Variants in R3HDM1 observed in about 807,000 individuals in gnomAD.
The protein encoded by R3HDM1 is R3H domain containing 1, also known as R3H domain-containing protein 1.
In R3HDM1, 46 loss-of-function variants were observed where a neutral mutation model predicts 141.1. The observed-to-expected ratio is 0.33, with a 90% CI of 0.26 to 0.42. R3HDM1 has a LOEUF of 0.42. R3HDM1 is among the 10% of genes least tolerant of loss of function. The pLI, the probability that R3HDM1 is intolerant of heterozygous loss-of-function variation, is 1.00. For missense variants in R3HDM1, 1,184 were observed against 1,368.3 expected, an observed-to-expected ratio of 0.87 and a Z score of 2.12; for synonymous variants, 435 against 472.9, an observed-to-expected ratio of 0.92 and a Z score of 1.04.
chr2:135,560,846 T>TGGCAGA (rs908369958), intron 1 of R3HDM1, among the ~76,000 whole-genome samples: 11 of 152,152 alleles, frequency 7.2e-5, no homozygotes, highest in African/African-American at 2.7e-4. Context: ...TATGTTAAGA[T>TGGCAGA]GGCAGAGCCA....
At chr2:135,668,874 C>A (rs2067913201) in intron 19 of R3HDM1, among the ~76,000 whole-genome samples, 1 of 152,134 alleles carries the variant, frequency 6.6e-6, no homozygotes, top group South Asian at 2.1e-4. Context: ...TGGCAACAGA[C>A]TTTTTGAGCA....
intron 21 of R3HDM1, among the ~76,000 whole-genome samples, chr2:135,680,957 A>C (rs191165194): frequency 1.2e-4 from 18 of 152,254 alleles, no homozygotes; most frequent in Non-Finnish European, 2.4e-4. Flanking sequence ...GAAAAATTGT[A>C]TTTCCTGTGT....
chr2:135,632,530 C>T (rs2062822229), intron 9 of R3HDM1, among the ~76,000 whole-genome samples: 1 of 152,052 alleles, frequency 6.6e-6, no homozygotes, highest in South Asian at 2.1e-4. Flanking sequence ...TATGATTCTC[C>T]GGAGGAGCTT....
intron 6 of R3HDM1, chr2:135,622,336 T>C: frequency 6.1e-6 from 6 of 984,816 alleles, no homozygotes; most frequent in Non-Finnish European, 7.2e-6. Context: ...ACGGAGGCAT[T>C]TTGAACATGA....
Position 135,620,510 on chromosome 2 carries a change from A to T in R3HDM1, c.304-984A>T, listed in dbSNP as rs187330914. Reference sequence around the variant, plus strand: ...TGTGCATCATTTACCCTATATTATGAACACAAATTTTAACTGGTATGATGA... The same window carrying T: ...TGTGCATCATTTACCCTATATTATGTACACAAATTTTAACTGGTATGATGA... On this transcript the variant is annotated intron_variant, in intron 5 of 26. Coordinates refer to ENST00000683871, the MANE Select transcript of R3HDM1 (RefSeq NM_001378107.1). 49 of 984,306 alleles carry T rather than the reference A, an allele frequency of 5.0e-5. No individual in the cohort carries two copies. In the African/African-American group the frequency reaches 7.5e-4, roughly 15 times the overall value. 61.0% of individuals were successfully genotyped at this position (984,306 alleles called of 1,614,324 possible).
intron 1 of R3HDM1, 159 bp downstream of exon 1, chr2:135,531,792 T>C (rs2104859951): frequency 1.0e-6 from 1 of 985,314 alleles, no homozygotes; most frequent in South Asian, 4.7e-5. Flanking sequence ...TCGTCGGCGC[T>C]TCAGCCAGGG....
chr2:135,689,829 T>A (rs2072025415), intron 21 of R3HDM1, among the ~76,000 whole-genome samples: 1 of 152,198 alleles, frequency 6.6e-6, no homozygotes, highest in Non-Finnish European at 1.5e-5. Context: ...AAAATTAGTT[T>A]GATACCAGCA....
At chr2:135,718,880 G>T (rs2076417834) in intron 24 of R3HDM1, among the ~76,000 whole-genome samples, 1 of 152,138 alleles carries the variant, frequency 6.6e-6, no homozygotes, top group South Asian at 2.1e-4. Context: ...ATGCGCAGTG[G>T]CTCACACCTG....
At chr2:135,581,660 G>A (rs1489313912) in intron 1 of R3HDM1, among the ~76,000 whole-genome samples, 1 of 152,144 alleles carries the variant, frequency 6.6e-6, no homozygotes, top group Non-Finnish European at 1.5e-5. Context: ...AGTTGACCAT[G>A]CCGAATTTCC....
intron 21 of R3HDM1, among the ~76,000 whole-genome samples, chr2:135,692,001 C>T (rs2072470972): frequency 6.6e-6 from 1 of 151,922 alleles, no homozygotes; most frequent in African/African-American, 2.4e-5. Flanking sequence ...CAACCTCTGC[C>T]CTCCAGGTTC....
intron 21 of R3HDM1, among the ~76,000 whole-genome samples, chr2:135,694,961 C>A (rs569021690): frequency 6.6e-6 from 1 of 152,132 alleles, no homozygotes; most frequent in Non-Finnish European, 1.5e-5. Flanking sequence ...CAGGAAGCAA[C>A]AAGTAGAGGA....
chr2:135,641,637 CCTGTCGTCTATCCAA>C lies in R3HDM1; in HGVS notation c.1327_1341del (p.Val443_Val447del). The stretch of plus-strand genomic sequence containing the variant: ...TCTCAGCCAGTCTTCTCATGGCGCA[CCTGTCGTCTATCCAA>C]CTGTCAGCACTCATAGTTCTCTTTC... On this transcript the variant is annotated inframe_deletion, in exon 15 of 27. Transcript: ENST00000683871. 1 of 1,614,172 alleles carries C rather than the reference CCTGTCGTCTATCCAA, an allele frequency of 6.2e-7. No homozygotes were observed. Among genetic ancestry groups the C allele is most frequent in the Non-Finnish European group, 8.5e-7 (1 of 1,180,040 alleles).
At chr2:135,569,276 A>T (rs1370874827) in intron 1 of R3HDM1, among the ~76,000 whole-genome samples, 1 of 152,072 alleles carries the variant, frequency 6.6e-6, no homozygotes, top group African/African-American at 2.4e-5. Flanking sequence ...CAAGGTCAGG[A>T]GTTCGAGACC....
At chr2:135,690,609 G>A (rs2072208005) in intron 21 of R3HDM1, among the ~76,000 whole-genome samples, 1 of 152,142 alleles carries the variant, frequency 6.6e-6, no homozygotes, top group Admixed American at 6.5e-5. Flanking sequence ...GATGAAGAAA[G>A]ATACTGTTGA....
intron 21 of R3HDM1, among the ~76,000 whole-genome samples, chr2:135,692,322 G>A (rs576677394): frequency 2.6e-4 from 39 of 152,100 alleles, no homozygotes; most frequent in Non-Finnish European, 2.1e-4. Flanking sequence ...ATGCTTGGCC[G>A]GGCACAGTGG....
chr2:135,625,857 C>T (rs2061963980), intron 7 of R3HDM1, among the ~76,000 whole-genome samples: 1 of 152,216 alleles, frequency 6.6e-6, no homozygotes, highest in Middle Eastern at 3.2e-3. Context: ...AGAATGCAAG[C>T]TCCATCCCTC....
intron 1 of R3HDM1, chr2:135,559,290 T>A (rs1220313344): frequency 6.5e-6 from 1 of 153,328 alleles, no homozygotes; most frequent in Non-Finnish European, 1.4e-5. Flanking sequence ...TTAAAAAACA[T>A]TTTTTTTGTA....
intron 1 of R3HDM1, among the ~76,000 whole-genome samples, chr2:135,565,462 G>A (rs1702574894): frequency 6.6e-6 from 1 of 151,146 alleles, no homozygotes; most frequent in African/African-American, 2.4e-5. Context: ...AAGTAACTGG[G>A]ATGATAGGCA....
chr2:135,667,040 ATTTC>A, intron 19 of R3HDM1: 1 of 846,298 alleles, frequency 1.2e-6, no homozygotes, highest in Non-Finnish European at 1.4e-6. Flanking sequence ...TATTCTAAGC[ATTTC>A]TTTAATACTT....
Sources: allele counts gnomAD v4.1 joint callset (sites outside exome capture counted in the v4.1 genomes callset), GRCh38; gene constraint gnomAD v4.1.1; transcripts MANE v1.5; gene names NCBI Gene and HGNC (gene_info 2026-07-23, HGNC 2026-07-21).